The following KLF12 variants were observed in gnomAD, a reference collection of about 807,000 sequenced individuals.
The protein encoded by KLF12 is KLF transcription factor 12, also known as Krueppel-like factor 12.
Under a neutral mutation model 37.8 loss-of-function variants are expected in KLF12, and 9 were observed. The observed-to-expected ratio is 0.24, with a 90% CI of 0.14 to 0.42. The LOEUF is 0.42. Among genes scored for constraint, KLF12 ranks in the 10% least tolerant of loss-of-function variants. KLF12 has a pLI of 1.00. For missense variants in KLF12, 411 were observed against 516.0 expected, an observed-to-expected ratio of 0.80 and a Z score of 1.97; for synonymous variants, 208 against 202.1, an observed-to-expected ratio of 1.03 and a Z score of -0.25.
At chr13:73,877,872 A>C (rs539682936) in intron 3 of KLF12, among the ~76,000 whole-genome samples, 2 of 152,260 alleles carry the variant, frequency 1.3e-5, no homozygotes, top group East Asian at 3.9e-4. Context: ...GGCAGCTCTA[A>C]AGAGAACAGG....
chr13:73,899,330 G>C (rs17090407), intron 3 of KLF12, among the ~76,000 whole-genome samples: 18,664 of 152,194 alleles, frequency 0.12, 2,300 homozygotes, highest in African/African-American at 0.31. Context: ...CCCCATATCC[G>C]TCTGTTTCCA....
At chr13:74,249,997 C>A in the KLF12 span, among the ~76,000 whole-genome samples, 9 of 152,256 alleles carry the variant, frequency 5.9e-5, no homozygotes, top group Admixed American at 4.6e-4. Context: ...GCTGGAGATG[C>A]TCAATTTTAG....
chr13:74,059,879 C>T lies in KLF12; in HGVS notation c.-31-64826G>A, dbSNP rs377053172. 2.0e-5 allele frequency among the ~76,000 whole-genome samples: 3 copies of T among 152,016 alleles called. No individual in the cohort carries two copies. In the East Asian group the frequency reaches 5.8e-4, roughly 29 times the overall value. ...CAATATCCAAAAGAGTTTTACCTTC[C>T]AGGGCTTTTATAGTTTCAGGTCTTA... is the stretch of plus-strand genomic sequence containing the variant. On this transcript the variant is annotated intron_variant, in intron 1 of 7. Transcript: ENST00000377669.
At chr13:74,126,129 A>G (rs1009972431) in intron 1 of KLF12, among the ~76,000 whole-genome samples, 7 of 152,240 alleles carry the variant, frequency 4.6e-5, no homozygotes, top group African/African-American at 1.4e-4. Context: ...TATAACATAT[A>G]CTATACATGA....
At chr13:73,824,491 C>T (rs1883720733) in intron 4 of KLF12, among the ~76,000 whole-genome samples, 1 of 152,190 alleles carries the variant, frequency 6.6e-6, no homozygotes, top group South Asian at 2.1e-4. Context: ...TTCCCCAGTG[C>T]ATTCCTCAGG....
intron 3 of KLF12, among the ~76,000 whole-genome samples, chr13:73,934,469 T>C (rs1476997989): frequency 5.3e-5 from 8 of 152,246 alleles, no homozygotes; most frequent in Admixed American, 5.2e-4. Flanking sequence ...TAAATTCTTT[T>C]ATATTGACCC....
intron 1 of KLF12, among the ~76,000 whole-genome samples, chr13:74,017,451 T>C (rs905440846): frequency 4.0e-5 from 6 of 151,314 alleles, no homozygotes; most frequent in African/African-American, 1.5e-4. Context: ...GGAAATTCTA[T>C]TTTCATCTAG....
the KLF12 span, among the ~76,000 whole-genome samples, chr13:74,235,241 C>T: frequency 6.6e-6 from 1 of 152,140 alleles, no homozygotes; most frequent in South Asian, 2.1e-4. Context: ...ATTAAATTCA[C>T]GTTAACAAGT....
the KLF12 span, among the ~76,000 whole-genome samples, chr13:74,213,652 T>C: frequency 6.9e-6 from 1 of 144,456 alleles, no homozygotes; most frequent in African/African-American, 2.5e-5. Context: ...CCTTCCTTCC[T>C]TCCTTCCAGT....
chr13:74,286,019 A>G, the KLF12 span, among the ~76,000 whole-genome samples: 1 of 152,116 alleles, frequency 6.6e-6, no homozygotes, highest in East Asian at 1.9e-4. Flanking sequence ...ATACACACAC[A>G]AAATTAGGAC....
chr13:73,736,426 A>G (rs907617909), intron 6 of KLF12, among the ~76,000 whole-genome samples: 1 of 152,232 alleles, frequency 6.6e-6, no homozygotes, highest in African/African-American at 2.4e-5. Flanking sequence ...TATAAACTAT[A>G]GTATTTTAAA....
chr13:74,043,651 G>A (rs1332521230), intron 1 of KLF12, among the ~76,000 whole-genome samples: 1 of 152,174 alleles, frequency 6.6e-6, no homozygotes, highest in African/African-American at 2.4e-5. Flanking sequence ...AATACAAAGG[G>A]ATAACAGCAG....
the KLF12 span, among the ~76,000 whole-genome samples, chr13:74,215,627 C>A: frequency 6.6e-6 from 1 of 152,118 alleles, no homozygotes; most frequent in Non-Finnish European, 1.5e-5. Flanking sequence ...ACCTGATGGC[C>A]TTTCTTTGGG....
the KLF12 span, among the ~76,000 whole-genome samples, chr13:74,301,704 C>T: frequency 1.3e-5 from 2 of 152,080 alleles, no homozygotes; most frequent in Non-Finnish European, 2.9e-5. Flanking sequence ...TTTCACAAAA[C>T]CCAGTTTAAA....
intron 3 of KLF12, among the ~76,000 whole-genome samples, chr13:73,905,811 A>C (rs1220705706): frequency 6.7e-6 from 1 of 149,818 alleles, no homozygotes; most frequent in Non-Finnish European, 1.5e-5. Flanking sequence ...TCTACTTGAA[A>C]GTTTCATTTC....
At chr13:74,118,511 G>A (rs1399862075) in intron 1 of KLF12, among the ~76,000 whole-genome samples, 2 of 152,158 alleles carry the variant, frequency 1.3e-5, no homozygotes, top group Non-Finnish European at 1.5e-5. Context: ...TGAATGGTGT[G>A]ACTTTCCATA....
intron 6 of KLF12, among the ~76,000 whole-genome samples, chr13:73,718,623 T>C (rs551307304): frequency 6.6e-6 from 1 of 152,218 alleles, no homozygotes; most frequent in Non-Finnish European, 1.5e-5. Flanking sequence ...CTGGACGTGG[T>C]GGCTCACACC....
chr13:74,273,472 C>G, the KLF12 span, among the ~76,000 whole-genome samples: 2 of 150,194 alleles, frequency 1.3e-5, no homozygotes, highest in Non-Finnish European at 3.0e-5. Context: ...GGAGCATGTA[C>G]AAATCTTTTT....
intron 2 of KLF12, among the ~76,000 whole-genome samples, chr13:73,979,370 C>CAA (rs1374928633): frequency 6.6e-6 from 1 of 151,042 alleles, no homozygotes; most frequent in Non-Finnish European, 1.5e-5. Context: ...CACACACACA[C>CAA]ACACACACAC....
Sources: gnomAD v4.1 joint callset for allele counts (sites outside exome capture counted in the v4.1 genomes callset) on GRCh38, gnomAD v4.1.1 for gene constraint, MANE v1.5 for transcripts, NCBI Gene and HGNC (gene_info 2026-07-23, HGNC 2026-07-21) for gene names.